Variants in ADGRL2 observed in about 807,000 individuals in gnomAD.
ADGRL2 encodes adhesion G protein-coupled receptor L2, also known as calcium-independent alpha-latrotoxin receptor 2.
ADGRL2 carries 44 observed loss-of-function variants against 157.4 expected under a neutral mutation model. The ratio of observed to expected loss-of-function variants is 0.28; its 90% CI spans 0.22 to 0.36. ADGRL2 has a LOEUF of 0.36. Among genes scored for constraint, ADGRL2 ranks in the 10% least tolerant of loss-of-function variants. ADGRL2 has a pLI of 1.00. For synonymous variants in ADGRL2, 585 were observed against 624.7 expected, an observed-to-expected ratio of 0.94 and a Z score of 0.95; for missense variants, 1,510 against 1,768.9, an observed-to-expected ratio of 0.85 and a Z score of 2.63.
chr1:81,373,627 T>C (rs1194036596), intron 1 of ADGRL2, among the ~76,000 whole-genome samples: 1 of 152,050 alleles, frequency 6.6e-6, no homozygotes, highest in Non-Finnish European at 1.5e-5. Flanking sequence ...TTGTAAAACA[T>C]GGAAAAAAAT....
chr1:81,948,648 A>G (rs1414064277), intron 6 of ADGRL2, among the ~76,000 whole-genome samples: 1 of 152,228 alleles, frequency 6.6e-6, no homozygotes, highest in Non-Finnish European at 1.5e-5. Context: ...TCAAAAGAAA[A>G]TTACAGAGGT....
At chr1:81,971,337 C>A (rs1287063817) in intron 16 of ADGRL2, among the ~76,000 whole-genome samples, 1 of 152,064 alleles carries the variant, frequency 6.6e-6, no homozygotes, top group Non-Finnish European at 1.5e-5. Flanking sequence ...CTTTGATATC[C>A]TTTTCTAGCA....
At position 81,574,456 on chromosome 1, in the gene ADGRL2, C is replaced by G. The variant is rs144997709; in HGVS notation, c.-247-6420C>G. ...AAAATTCAATACCTGAAAATTTCCT[C>G]AGAAATGAATGGGCAACTGGGACAG... On this transcript the variant is annotated intron_variant, in intron 2 of 24. Coordinates refer to the ADGRL2 transcript ENST00000370721. Among the ~76,000 whole-genome samples the G allele has an allele frequency of 2.0e-5, 3 of 152,248 alleles. No individual in the cohort carries two copies. In the East Asian group the frequency reaches 5.8e-4, roughly 29 times the overall value.
chr1:81,310,167 C>T (rs993579582), intron 1 of ADGRL2, among the ~76,000 whole-genome samples: 40 of 152,100 alleles, frequency 2.6e-4, no homozygotes, highest in Admixed American at 3.9e-4. Context: ...TTTAAACGGT[C>T]TGACGGTGAA....
At chr1:81,422,252 A>G (rs904789700) in intron 1 of ADGRL2, among the ~76,000 whole-genome samples, 8 of 150,106 alleles carry the variant, frequency 5.3e-5, no homozygotes, top group African/African-American at 2.0e-4. Flanking sequence ...CATACAAACA[A>G]TTTTTTTTTT....
intron 3 of ADGRL2, among the ~76,000 whole-genome samples, chr1:81,666,789 A>G (rs2082759971): frequency 6.6e-6 from 1 of 152,222 alleles, no homozygotes; most frequent in South Asian, 2.1e-4. Flanking sequence ...AAACTAACCC[A>G]CAAGGGCTGT....
At chr1:81,437,876 A>G (rs1041402823) in intron 1 of ADGRL2, among the ~76,000 whole-genome samples, 2 of 152,190 alleles carry the variant, frequency 1.3e-5, no homozygotes, top group Non-Finnish European at 2.9e-5. Flanking sequence ...CGAGTTATAA[A>G]CTTGTATTTG....
chr1:81,472,329 G>T (rs1177119212), intron 2 of ADGRL2, among the ~76,000 whole-genome samples: 1 of 152,164 alleles, frequency 6.6e-6, no homozygotes, highest in Non-Finnish European at 1.5e-5. Context: ...TAGCCTAAAA[G>T]AAATCTTGCA....
intron 1 of ADGRL2, among the ~76,000 whole-genome samples, chr1:81,355,337 T>C (rs575820402): frequency 1.2e-3 from 188 of 152,182 alleles, no homozygotes; most frequent in African/African-American, 4.4e-3. Flanking sequence ...CCAGCCTGGG[T>C]GACAGAGTGA....
At chr1:81,656,755 A>G (rs2148863409) in intron 3 of ADGRL2, among the ~76,000 whole-genome samples, 1 of 152,280 alleles carries the variant, frequency 6.6e-6, no homozygotes, top group Admixed American at 6.5e-5. Flanking sequence ...TATGCCAGTA[A>G]TACAAACACT....
intron 2 of ADGRL2, among the ~76,000 whole-genome samples, chr1:81,887,987 T>A (rs13373857): frequency 0.048 from 7,278 of 152,200 alleles, 526 homozygotes; most frequent in African/African-American, 0.15. Context: ...ACTTTGGCTG[T>A]GGCTAGACAG....
intron 1 of ADGRL2, among the ~76,000 whole-genome samples, chr1:81,333,045 T>C (rs1381058017): frequency 6.6e-6 from 1 of 152,154 alleles, no homozygotes; most frequent in Admixed American, 6.5e-5. Context: ...CGTATAACTT[T>C]GGGCAAATCA....
intron 2 of ADGRL2, among the ~76,000 whole-genome samples, chr1:81,880,675 G>T (rs184606197): frequency 4.0e-5 from 5 of 123,712 alleles, no homozygotes; most frequent in Admixed American, 3.5e-4. Flanking sequence ...ACCGCCCCCC[G>T]CCCCATTCCG....
intron 2 of ADGRL2, among the ~76,000 whole-genome samples, chr1:81,470,515 C>G (rs2078149311): frequency 6.6e-6 from 1 of 152,222 alleles, no homozygotes; most frequent in African/African-American, 2.4e-5. Flanking sequence ...ATTTTCTCAA[C>G]TTCCTCTTGT....
chr1:81,857,901 T>G (rs2093259281), intron 2 of ADGRL2, among the ~76,000 whole-genome samples: 1 of 152,176 alleles, frequency 6.6e-6, no homozygotes, highest in Non-Finnish European at 1.5e-5. Context: ...GCAATTAATC[T>G]TCTTTATCCT....
chr1:81,989,789 T>C lies in ADGRL2; in HGVS notation c.3656-602T>C, dbSNP rs960598541. The C allele has an allele frequency of 2.6e-6, 4 of 1,534,220 alleles. No individual in the cohort carries two copies. In the Admixed American group the frequency reaches 6.1e-5, roughly 23 times the overall value. ...TGGTCCAGTCAGTATGAGAGATGGC[T>C]GTCTTTGTTTAACATGACTTCTTTG... On this transcript the variant is annotated intron_variant, in intron 23 of 23. Transcript: ENST00000686636.
intron 1 of ADGRL2, among the ~76,000 whole-genome samples, chr1:81,381,384 T>A (rs868731669): frequency 6.6e-6 from 1 of 152,070 alleles, no homozygotes; most frequent in African/African-American, 2.4e-5. Flanking sequence ...GGCTGTTGGT[T>A]TAAACTAGAA....
intron 3 of ADGRL2, among the ~76,000 whole-genome samples, chr1:81,924,014 T>TTAATAATA (rs2095047540): frequency 6.6e-6 from 1 of 152,174 alleles, no homozygotes; most frequent in South Asian, 2.1e-4. Flanking sequence ...AACTTCCAAA[T>TTAATAATA]TAATAATATA....
chr1:81,980,662 T>C (rs1004089427), intron 18 of ADGRL2: 2 of 435,454 alleles, frequency 4.6e-6, no homozygotes, highest in African/African-American at 2.0e-5. Flanking sequence ...TAAGGGTAAA[T>C]TTTTTTTTAA....
Sources: gnomAD v4.1 joint callset for allele counts (sites outside exome capture counted in the v4.1 genomes callset) on GRCh38, gnomAD v4.1.1 for gene constraint, MANE v1.5 for transcripts, NCBI Gene and HGNC (gene_info 2026-07-23, HGNC 2026-07-21) for gene names.